The following PAPPA variants were observed in gnomAD, a reference collection of about 807,000 sequenced individuals.
PAPPA encodes pappalysin-1.
Under a neutral mutation model 164.0 loss-of-function variants are expected in PAPPA, and 60 were observed. That is an observed-to-expected ratio of 0.37 (90% CI 0.30 to 0.45). The LOEUF is 0.45. PAPPA is among the 20% of genes least tolerant of loss of function. PAPPA has a pLI of 1.00. For synonymous variants in PAPPA, 875 were observed against 814.1 expected (o/e 1.07, Z -1.27); for missense variants, 1,782 against 2,087.3 (o/e 0.85, Z 2.85).
intron 1 of PAPPA, among the ~76,000 whole-genome samples, chr9:116,183,265 A>G (rs939340777): frequency 1.3e-5 from 2 of 152,192 alleles, no homozygotes; most frequent in African/African-American, 4.8e-5. Context: ...AAGAGTTGCG[A>G]ATGACATAAG....
intron 10 of PAPPA, among the ~76,000 whole-genome samples, chr9:116,305,488 C>T (rs570720289): frequency 6.6e-6 from 1 of 151,714 alleles, no homozygotes; most frequent in African/African-American, 2.4e-5. Context: ...CACACACACA[C>T]ACATACATAC....
At chr9:116,394,370 A>G (rs1588034603) in intron 21 of PAPPA, among the ~76,000 whole-genome samples, 1 of 152,208 alleles carries the variant, frequency 6.6e-6, no homozygotes, top group East Asian at 1.9e-4. Context: ...ATGGTATTTT[A>G]AAAATCCTCC....
chr9:116,253,006 G>A (rs1284004257), intron 7 of PAPPA, among the ~76,000 whole-genome samples: 3 of 152,308 alleles, frequency 2.0e-5, no homozygotes, highest in Admixed American at 2.0e-4. Context: ...CAGGCACAGA[G>A]ATACAGCAAG....
At chr9:116,177,232 C>A (rs1843848006) in intron 1 of PAPPA, among the ~76,000 whole-genome samples, 1 of 152,152 alleles carries the variant, frequency 6.6e-6, no homozygotes, top group African/African-American at 2.4e-5. Context: ...ATCCTTCCAA[C>A]CAGAGCTGCC....
chr9:116,209,203 T>C (rs1245807729), intron 3 of PAPPA, among the ~76,000 whole-genome samples: 2 of 152,196 alleles, frequency 1.3e-5, no homozygotes, highest in Admixed American at 1.3e-4. Flanking sequence ...GATGATCAGC[T>C]TATATCACAT....
At chr9:116,227,334 T>G in intron 5 of PAPPA, 97 bp from the exon 6 acceptor site, 2 of 1,264,134 alleles carry the variant, frequency 1.6e-6, no homozygotes, top group African/African-American at 1.5e-5. Flanking sequence ...ACAGATTTGT[T>G]GTGTCCTCTG....
chr9:116,273,130 G>A (rs1046525126), intron 9 of PAPPA, among the ~76,000 whole-genome samples: 3 of 152,178 alleles, frequency 2.0e-5, no homozygotes, highest in African/African-American at 7.2e-5. Context: ...TAATTTATGT[G>A]CTTCTGGAAA....
chr9:116,203,880 T>C (rs920944727), intron 2 of PAPPA, among the ~76,000 whole-genome samples: 3 of 152,128 alleles, frequency 2.0e-5, no homozygotes, highest in African/African-American at 7.2e-5. Context: ...ATGGGCATTC[T>C]TAAGGGTTGG....
At chr9:116,322,075 T>C (rs765373089) in intron 10 of PAPPA, among the ~76,000 whole-genome samples, 2 of 152,030 alleles carry the variant, frequency 1.3e-5, no homozygotes, top group Non-Finnish European at 2.9e-5. Flanking sequence ...ACAAGATTAT[T>C]AGGAAGGTAA....
chr9:116,325,167 G>C (rs991352705), intron 10 of PAPPA, among the ~76,000 whole-genome samples: 1 of 152,118 alleles, frequency 6.6e-6, no homozygotes, highest in Non-Finnish European at 1.5e-5. Flanking sequence ...GCAGAACATG[G>C]AATTCTAGAG....
At chr9:116,374,166 G>A (rs974187328) in intron 19 of PAPPA, among the ~76,000 whole-genome samples, 5 of 146,716 alleles carry the variant, frequency 3.4e-5, no homozygotes, top group South Asian at 2.3e-4. Flanking sequence ...TGTTGGTGGT[G>A]GTGTTGATGA....
At position 116,344,689 on chromosome 9, in the gene PAPPA, A is replaced by C; in HGVS notation, c.3758A>C (p.Asp1253Ala). 1 of 1,613,656 alleles carries C rather than the reference A, an allele frequency of 6.2e-7. No individual in the cohort carries two copies. The highest frequency in any genetic ancestry group is 8.5e-7 in the Non-Finnish European group (1 of 1,179,818). The change falls in exon 14 of 22, where the codon GAT (aspartate) becomes GCT (alanine). Residue 1253 changes from aspartate to alanine, a missense_variant. This residue lies in a region of PAPPA where 1,324 missense variants were observed against 1,656.9 expected (regional missense o/e 0.80). Transcript: ENST00000328252. ...GGCTACGTGCTCCAGATACGGCGGG[A>C]TGATGAGCTGATCAAGAGCCAGGTA... ...RTGYVLQIRRDDELIKSQTGP... is the reference protein window; with the variant it reads ...RTGYVLQIRRADELIKSQTGP...
At chr9:116,206,325 T>C (rs1386301830) in intron 2 of PAPPA, among the ~76,000 whole-genome samples, 1 of 152,164 alleles carries the variant, frequency 6.6e-6, no homozygotes, top group Non-Finnish European at 1.5e-5. Flanking sequence ...TTCTGTGACA[T>C]GGGCGGCCTT....
chr9:116,157,950 C>T (rs1211148524), intron 1 of PAPPA, among the ~76,000 whole-genome samples: 1 of 152,090 alleles, frequency 6.6e-6, no homozygotes, highest in Non-Finnish European at 1.5e-5. Flanking sequence ...TCAATTTGCT[C>T]CATCGAGCAG....
chr9:116,338,859 T>A (rs1250372067), intron 13 of PAPPA, among the ~76,000 whole-genome samples: 1 of 152,220 alleles, frequency 6.6e-6, no homozygotes, highest in Non-Finnish European at 1.5e-5. Flanking sequence ...GACAACTTTT[T>A]CCTATTTTTC....
intron 7 of PAPPA, among the ~76,000 whole-genome samples, chr9:116,246,446 TA>T (rs1250423546): frequency 6.6e-6 from 1 of 152,228 alleles, no homozygotes; most frequent in Non-Finnish European, 1.5e-5. Flanking sequence ...TTAATCCTTT[TA>T]AAAAATTCTT....
rs1050729882 is a variant in PAPPA, at chr9:116,271,526, G to C, written c.2953+110G>C. The C allele has an allele frequency of 7.6e-6, 6 of 789,284 alleles. No homozygotes were observed. Among genetic ancestry groups the C allele is most frequent in the Non-Finnish European group, 1.3e-5 (6 of 456,360 alleles). 48.9% of individuals were successfully genotyped at this position (789,284 alleles called of 1,614,324 possible). A position where few individuals can be genotyped will look rare whatever the true frequency, so the allele number is the denominator to read the frequency against. ...TGACTAAATGATGATTCACTCCTTT[G>C]TATTACACCTGTTTATTGAGTGCCT... On this transcript the variant is annotated intron_variant, in intron 9 of 21. Coordinates refer to ENST00000328252, the MANE Select transcript of PAPPA (RefSeq NM_002581.5). The surrounding 1 kb of genome is among the most constrained non-coding windows in gnomAD (Gnocchi z 4.2).
At chr9:116,316,767 C>T (rs1225293900) in intron 10 of PAPPA, among the ~76,000 whole-genome samples, 1 of 152,222 alleles carries the variant, frequency 6.6e-6, no homozygotes, top group African/African-American at 2.4e-5. Context: ...CCACCTGTTC[C>T]TTTCATACAT....
chr9:116,161,969 G>T (rs1444554473), intron 1 of PAPPA, among the ~76,000 whole-genome samples: 2 of 152,154 alleles, frequency 1.3e-5, no homozygotes, highest in Non-Finnish European at 1.5e-5. Context: ...TTTAGAGAGG[G>T]TTAGGGACTC....
Sources: allele counts gnomAD v4.1 joint callset (sites outside exome capture counted in the v4.1 genomes callset), GRCh38; gene constraint gnomAD v4.1.1; regional missense constraint gnomAD v4.1.1; non-coding constraint Gnocchi (gnomAD v3.1); transcripts MANE v1.5; gene names NCBI Gene and HGNC (gene_info 2026-07-23, HGNC 2026-07-21).